Variants in REXO1 observed in about 807,000 individuals in gnomAD.
REXO1 encodes the protein REX1, RNA exonuclease 1 homolog.
In REXO1, 42 loss-of-function variants were observed where a neutral mutation model predicts 102.6. The ratio of observed to expected loss-of-function variants is 0.41; its 90% CI spans 0.32 to 0.53. The LOEUF (loss-of-function observed/expected upper bound fraction) is 0.53. REXO1 is among the 20% of genes least tolerant of loss of function. The pLI is 0.27. For missense variants in REXO1, 1,819 were observed against 1,732.5 expected, an observed-to-expected ratio of 1.05 and a Z score of -0.89; for synonymous variants, 908 against 779.1, an observed-to-expected ratio of 1.17 and a Z score of -2.76.
intron 3 of REXO1, among the ~76,000 whole-genome samples, chr19:1,825,451 G>C (rs191782839): frequency 6.6e-6 from 1 of 151,420 alleles, no homozygotes; most frequent in Non-Finnish European, 1.5e-5. Flanking sequence ...GACCAGCCTG[G>C]GTGACAAAGC....
Position 1,848,408 on chromosome 19 carries a change from C to G in REXO1, c.-50G>C, listed in dbSNP as rs896456541. 2.6e-6 allele frequency: 3 copies of G among 1,161,892 alleles called. No individual in the cohort carries two copies. The Admixed American group carries it at 1.4e-4, about 55-fold the overall frequency. The allele number at this position is 1,161,892 out of a possible 1,614,324, so 72.0% of individuals were successfully genotyped here. On this transcript the variant is annotated 5_prime_UTR_variant, in exon 1 of 16. Coordinates refer to ENST00000170168, the MANE Select transcript of REXO1 (RefSeq NM_020695.4). ...GCCCGGAGCCGCCCGGGCCCCAGGG[C>G]CCCCTCACTGGCGCCGCGGTCGCCG...
At chr19:1,820,241 A>G in intron 6 of REXO1, 23 bp downstream of exon 6, 1 of 1,604,262 alleles carries the variant, frequency 6.2e-7, no homozygotes, top group South Asian at 1.1e-5. Context: ...CCGACCGGCC[A>G]GATAGGAACT....
chr19:1,819,740 G>C (rs1044050364), intron 7 of REXO1, among the ~76,000 whole-genome samples, 194 bp downstream of exon 7: 3 of 152,160 alleles, frequency 2.0e-5, no homozygotes, highest in African/African-American at 7.2e-5. Flanking sequence ...TGACAGCGAG[G>C]ACACCAGGGC....
intron 1 of REXO1, among the ~76,000 whole-genome samples, chr19:1,832,823 G>A (rs1438875585): frequency 1.3e-5 from 2 of 150,984 alleles, no homozygotes; most frequent in Non-Finnish European, 2.9e-5. Flanking sequence ...GGCTGAGGCA[G>A]GAGAATCGCT....
At position 1,815,837 on chromosome 19, in the gene REXO1, G is replaced by C; in HGVS notation, c.*229C>G. 6.6e-7 allele frequency: 1 copy of C among 1,509,014 alleles called. No homozygotes were observed. Among genetic ancestry groups the C allele is most frequent in the Non-Finnish European group, 8.8e-7 (1 of 1,132,320 alleles). The allele number at this position is 1,509,014 out of a possible 1,614,324, so 93.5% of individuals were successfully genotyped here. A position where few individuals can be genotyped will look rare whatever the true frequency, so the allele number is the denominator to read the frequency against. On this transcript the variant is annotated 3_prime_UTR_variant, in exon 16 of 16. Coordinates refer to ENST00000170168, the MANE Select transcript of REXO1 (RefSeq NM_020695.4). The surrounding 1 kb of genome is among the most constrained non-coding windows in gnomAD (Gnocchi z 4.0). ...GTCTCCATCAGCAGCAGTTTCTAGA[G>C]ACGCCAGAGGGCTGGGGGGCAGAGG...
At chr19:1,818,082 A>G (rs2069424424) in intron 10 of REXO1, among the ~76,000 whole-genome samples, 2 of 152,170 alleles carry the variant, frequency 1.3e-5, no homozygotes, top group Admixed American at 6.5e-5. Context: ...AGGGCTGTGC[A>G]AGGCTGGCCA....
intron 1 of REXO1, among the ~76,000 whole-genome samples, chr19:1,836,807 G>A (rs1469546926): frequency 6.6e-6 from 1 of 151,730 alleles, no homozygotes; most frequent in Non-Finnish European, 1.5e-5. Flanking sequence ...ACACCGTTCG[G>A]TGGGCCCGCA....
At chr19:1,830,464 G>A (rs1447447590) in intron 1 of REXO1, among the ~76,000 whole-genome samples, 3 of 152,260 alleles carry the variant, frequency 2.0e-5, no homozygotes, top group East Asian at 3.8e-4. Context: ...AGCCAGGATT[G>A]TGCCTCTGCA....
chr19:1,817,465 A>G, intron 11 of REXO1, 136 bp from the exon 12 acceptor site: 1 of 1,483,422 alleles, frequency 6.7e-7, no homozygotes, highest in Admixed American at 2.2e-5. Context: ...GACCCTGGTG[A>G]GCAGGTGGGG....
rs2069368911 is a variant in REXO1, at chr19:1,816,541, C to T, written c.3346G>A (p.Ala1116Thr). The change falls in exon 14 of 16, where the codon GCC becomes ACC. Residue 1116 changes from alanine to threonine, a missense_variant. Ala to Thr is a moderately conservative substitution (Grantham distance 58). Transcript: ENST00000170168. ...RFSGVTEADL[A>T]DTSVTLRDVQ... ...TCACGCAGCGTGACACTTGTGTCGG[C>T]AAGGTCAGCCTCCGTCACCCCCGAA... is the stretch of plus-strand genomic sequence containing the variant. 7.5e-6 allele frequency: 12 copies of T among 1,607,392 alleles called. No homozygotes were observed. The highest frequency in any genetic ancestry group is 1.0e-5 in the Non-Finnish European group (12 of 1,178,198).
rs1192480526 is a variant in REXO1 at position 1,821,514 on chromosome 19, G to T, written c.2394+5C>A. ...GGTGGTCCTGGCCGAGATGGGAGGG[G>T]CTACCTGTAAGGATGGACTGTGGGC... On this transcript the variant is annotated splice_donor_5th_base_variant and intron_variant, in intron 5 of 15. Coordinates refer to ENST00000170168, the MANE Select transcript of REXO1 (RefSeq NM_020695.4). 6.2e-7 allele frequency: 1 copy of T among 1,613,414 alleles called. No individual in the cohort carries two copies. Among genetic ancestry groups the T allele is most frequent in the African/African-American group, 1.3e-5 (1 of 74,886 alleles).
intron 1 of REXO1, among the ~76,000 whole-genome samples, chr19:1,836,302 T>C (rs1327844457): frequency 2.6e-5 from 4 of 152,208 alleles, no homozygotes; most frequent in African/African-American, 4.8e-5. Context: ...GAACGTTCTC[T>C]AGTGAGACCC....
chr19:1,831,728 C>G (rs1402085307), intron 1 of REXO1, among the ~76,000 whole-genome samples: 1 of 151,256 alleles, frequency 6.6e-6, no homozygotes, highest in Non-Finnish European at 1.5e-5. Context: ...GCCTGTAATC[C>G]CAGCTACTCG....
chr19:1,830,905 T>C (rs542933671), intron 1 of REXO1: 1 of 153,648 alleles, frequency 6.5e-6, no homozygotes, highest in African/African-American at 2.4e-5. Flanking sequence ...GGAGATGACC[T>C]AGAAGCCGAA....
chr19:1,822,079 C>T (rs760924860), intron 4 of REXO1: 5 of 450,566 alleles, frequency 1.1e-5, no homozygotes, highest in African/African-American at 2.1e-5. Context: ...TGTGTTCTGC[C>T]TTGCCCTTTG....
chr19:1,823,583 C>A lies in REXO1; in HGVS notation c.2219G>T (p.Arg740Leu). Residue 740 changes from arginine to leucine, a missense_variant, in exon 4 of 16, where the codon CGC becomes CTC. By Grantham distance (102) the Arg-to-Leu change is moderately radical. Coordinates refer to ENST00000170168, the MANE Select transcript of REXO1 (RefSeq NM_020695.4). ...KRRIAHIPNP[R>L]LAAAPTGAKR... ...GGGCCAGGACTCACCTGCAGCCAGG[C>A]GGGGGTTGGGGATGTGGGCGATCCT... 2 of 1,313,082 alleles carry A rather than the reference C, an allele frequency of 1.5e-6. No homozygotes were observed. Among genetic ancestry groups the A allele is most frequent in the Non-Finnish European group, 2.0e-6 (2 of 1,023,500 alleles). 81.3% of individuals were successfully genotyped at this position (1,313,082 alleles called of 1,614,324 possible). A position where few individuals can be genotyped will look rare whatever the true frequency, so the allele number is the denominator to read the frequency against.
At chr19:1,846,668 G>A (rs982055681) in intron 1 of REXO1, among the ~76,000 whole-genome samples, 1 of 152,104 alleles carries the variant, frequency 6.6e-6, no homozygotes, top group Non-Finnish European at 1.5e-5. Context: ...GCAGGAGGTC[G>A]GCTCGAGGCC....
chr19:1,845,530 G>A (rs1472929002), intron 1 of REXO1, among the ~76,000 whole-genome samples: 1 of 152,224 alleles, frequency 6.6e-6, no homozygotes, highest in East Asian at 1.9e-4. Context: ...GAGGTGTGAT[G>A]TCACATGCCT....
intron 1 of REXO1, among the ~76,000 whole-genome samples, chr19:1,837,463 G>A (rs556789898): frequency 5.3e-5 from 8 of 152,272 alleles, no homozygotes; most frequent in Admixed American, 2.6e-4. Context: ...TAGACCACAC[G>A]GGGCAGAAAC....
Sources: allele counts gnomAD v4.1 joint callset (sites outside exome capture counted in the v4.1 genomes callset), GRCh38; gene constraint gnomAD v4.1.1; non-coding constraint Gnocchi (gnomAD v3.1); transcripts MANE v1.5; gene names NCBI Gene and HGNC (gene_info 2026-07-23, HGNC 2026-07-21).